Variants in SBF2 observed in about 807,000 individuals in gnomAD.
SBF2 encodes the protein SET binding factor 2, also known as myotubularin-related protein 13.
Under a neutral mutation model 225.2 loss-of-function variants are expected in SBF2, and 112 were observed. The observed-to-expected ratio is 0.50, with a 90% CI of 0.43 to 0.58. The LOEUF is 0.58. Ranked by LOEUF, SBF2 falls within the 20% of genes least tolerant of loss-of-function variation. The pLI, the probability that SBF2 is intolerant of heterozygous loss-of-function variation, is 0.00. For missense variants in SBF2, 1,996 were observed against 2,206.2 expected (o/e 0.90, Z 1.91); for synonymous variants, 763 against 773.3 (o/e 0.99, Z 0.22).
intron 32 of SBF2, among the ~76,000 whole-genome samples, chr11:9,803,509 T>C (rs1853610450): frequency 6.6e-6 from 1 of 151,240 alleles, no homozygotes; most frequent in South Asian, 2.1e-4. Context: ...AATAGAAGAA[T>C]TTCATTCCAA....
At chr11:10,228,611 C>T (rs1302330645) in intron 1 of SBF2, among the ~76,000 whole-genome samples, 1 of 152,052 alleles carries the variant, frequency 6.6e-6, no homozygotes, top group Non-Finnish European at 1.5e-5. Context: ...TGTTTATATG[C>T]TGGATTACAT....
At chr11:10,239,111 GTATA>G (rs1344928445) in intron 1 of SBF2, among the ~76,000 whole-genome samples, 1 of 150,340 alleles carries the variant, frequency 6.7e-6, no homozygotes, top group African/African-American at 2.4e-5. Context: ...ATAAACGTGT[GTATA>G]TGTGTGTATA....
chr11:10,007,800 C>T (rs764081714), intron 6 of SBF2, among the ~76,000 whole-genome samples: 9 of 152,208 alleles, frequency 5.9e-5, no homozygotes, highest in African/African-American at 1.4e-4. Flanking sequence ...TCTTAGGTCA[C>T]GCCCCCTTCA....
intron 6 of SBF2, among the ~76,000 whole-genome samples, chr11:10,006,687 A>G (rs554950643): frequency 6.6e-6 from 1 of 152,286 alleles, no homozygotes; most frequent in African/African-American, 2.4e-5. Context: ...GAAGCATAAG[A>G]AGGCTTTCCA....
At chr11:9,859,824 T>C (rs969453991) in intron 17 of SBF2, among the ~76,000 whole-genome samples, 6 of 152,156 alleles carry the variant, frequency 3.9e-5, no homozygotes, top group African/African-American at 1.4e-4. Context: ...AGCTGGGTGG[T>C]TGTGATTTTG....
rs536919296 is a variant in SBF2 at position 10,215,350 on chromosome 11, T to C, written c.56-21363A>G. On this transcript the variant is annotated intron_variant, in intron 1 of 39. Transcript: ENST00000256190. ...TTAAAAATTGGTATTCTCCAAGAGA[T>C]GTAACCTATCAATTATTGCATTGTT... 1.1e-4 allele frequency among the ~76,000 whole-genome samples: 17 copies of C among 152,358 alleles called. No homozygotes were observed. In the South Asian group the frequency reaches 2.3e-3, roughly 20 times the overall value.
intron 1 of SBF2, among the ~76,000 whole-genome samples, chr11:10,245,316 G>A (rs1306896191): frequency 2.0e-5 from 3 of 147,854 alleles, no homozygotes; most frequent in Non-Finnish European, 4.5e-5. Flanking sequence ...ACCCGAGTCA[G>A]GAGAATGCTG....
intron 16 of SBF2, among the ~76,000 whole-genome samples, chr11:9,934,799 C>T (rs994389043): frequency 7.2e-5 from 11 of 152,130 alleles, no homozygotes; most frequent in Non-Finnish European, 1.3e-4. Context: ...ATTGACGGAA[C>T]GTACCTCAAA....
intron 32 of SBF2, among the ~76,000 whole-genome samples, chr11:9,804,913 A>G (rs570980599): frequency 3.3e-5 from 5 of 152,130 alleles, no homozygotes; most frequent in African/African-American, 1.2e-4. Context: ...CTCCCCCACT[A>G]TCTTGAATCT....
chr11:9,862,082 T>C (rs1215957023), intron 17 of SBF2, among the ~76,000 whole-genome samples: 1 of 152,198 alleles, frequency 6.6e-6, no homozygotes, highest in African/African-American at 2.4e-5. Flanking sequence ...ATAGTGGCAG[T>C]AGTCTTAGTA....
At chr11:9,890,197 T>G (rs944369241) in intron 17 of SBF2, among the ~76,000 whole-genome samples, 1 of 152,080 alleles carries the variant, frequency 6.6e-6, no homozygotes, top group African/African-American at 2.4e-5. Flanking sequence ...GAACCATCAC[T>G]CCTGGCCTAT....
intron 1 of SBF2, among the ~76,000 whole-genome samples, chr11:10,265,156 C>T (rs916204986): frequency 2.6e-5 from 4 of 152,150 alleles, no homozygotes; most frequent in African/African-American, 9.7e-5. Flanking sequence ...GGAATTGCCA[C>T]TCTGTCTTCC....
chr11:9,939,761 A>C (rs1167783988), intron 16 of SBF2, among the ~76,000 whole-genome samples: 1 of 152,194 alleles, frequency 6.6e-6, no homozygotes, highest in East Asian at 1.9e-4. Context: ...GGTATCAGTA[A>C]ATAAAGACGT....
In SBF2 at chr11:10,247,658, G is replaced by C. The variant is rs529864526; in HGVS notation, c.55+46357C>G. The stretch of plus-strand genomic sequence containing the variant: ...TGCAGTGAGCCAAGATCGTGCCACT[G>C]TACTCCAGGCCTGGGTGAAAGAGCA... On this transcript the variant is annotated intron_variant, in intron 1 of 39. Coordinates refer to ENST00000256190, the MANE Select transcript of SBF2 (RefSeq NM_030962.4). 5.3e-5 allele frequency among the ~76,000 whole-genome samples: 8 copies of C among 152,170 alleles called. No individual in the cohort carries two copies. The South Asian group carries it at 1.7e-3, about 32-fold the overall frequency.
chr11:9,920,715 G>C (rs1172619328), intron 16 of SBF2, among the ~76,000 whole-genome samples: 1 of 152,098 alleles, frequency 6.6e-6, no homozygotes, highest in African/African-American at 2.4e-5. Flanking sequence ...GCAGAAGGAG[G>C]CCAATTTCCC....
intron 26 of SBF2, among the ~76,000 whole-genome samples, chr11:9,836,576 G>A (rs1855747983): frequency 6.6e-6 from 1 of 151,982 alleles, no homozygotes; most frequent in African/African-American, 2.4e-5. Flanking sequence ...TGGCTACTCT[G>A]CCTTCCACAT....
intron 2 of SBF2, among the ~76,000 whole-genome samples, chr11:10,080,135 C>A (rs887513649): frequency 6.6e-6 from 1 of 150,378 alleles, no homozygotes; most frequent in Non-Finnish European, 1.5e-5. Flanking sequence ...GTAGTCTCAG[C>A]TACTTGGAAG....
intron 16 of SBF2, among the ~76,000 whole-genome samples, chr11:9,936,268 A>C (rs1301487308): frequency 6.6e-6 from 1 of 152,224 alleles, no homozygotes; most frequent in Non-Finnish European, 1.5e-5. Flanking sequence ...ATCTCACACC[A>C]GTTAGAATGG....
chr11:10,238,281 C>T (rs1959159571), intron 1 of SBF2, among the ~76,000 whole-genome samples: 4 of 151,978 alleles, frequency 2.6e-5, no homozygotes, highest in Admixed American at 2.6e-4. Context: ...TGGTGGCGCA[C>T]ACCGGCAATC....
Sources: allele counts gnomAD v4.1 joint callset (sites outside exome capture counted in the v4.1 genomes callset), GRCh38; gene constraint gnomAD v4.1.1; transcripts MANE v1.5; gene names NCBI Gene and HGNC (gene_info 2026-07-23, HGNC 2026-07-21).